RALGPS2: variants seen among roughly 807,000 people sequenced by gnomAD.
The protein encoded by RALGPS2 is Ral GEF with PH domain and SH3 binding motif 2.
A neutral mutation model predicts 86.8 loss-of-function variants in RALGPS2; 43 were observed. The ratio of observed to expected loss-of-function variants is 0.50; its 90% CI spans 0.39 to 0.64. RALGPS2 has a LOEUF of 0.64. RALGPS2 is among the 30% of genes least tolerant of loss of function. The pLI is 0.00. For synonymous variants in RALGPS2, 243 were observed against 231.3 expected, an observed-to-expected ratio of 1.05 and a Z score of -0.46; for missense variants, 536 against 694.6, an observed-to-expected ratio of 0.77 and a Z score of 2.57.
intron 1 of RALGPS2, among the ~76,000 whole-genome samples, chr1:178,751,638 A>G (rs1456374357): frequency 6.6e-6 from 1 of 152,178 alleles, no homozygotes; most frequent in African/African-American, 2.4e-5. Flanking sequence ...GTAACACCTC[A>G]ATACTTATAC....
chr1:178,739,315 T>G (rs1420858118), intron 1 of RALGPS2, among the ~76,000 whole-genome samples: 1 of 152,204 alleles, frequency 6.6e-6, no homozygotes, highest in African/African-American at 2.4e-5. Context: ...ATAAAAGTAT[T>G]GTTGTTCATG....
At chr1:178,826,535 A>G (rs1231776582) in intron 7 of RALGPS2, among the ~76,000 whole-genome samples, 2 of 152,158 alleles carry the variant, frequency 1.3e-5, no homozygotes, top group African/African-American at 2.4e-5. Context: ...ATCTAGATTG[A>G]TGGTTGCCAG....
chr1:178,840,917 C>G (rs1656573951), intron 8 of RALGPS2, among the ~76,000 whole-genome samples: 3 of 152,144 alleles, frequency 2.0e-5, no homozygotes, highest in Admixed American at 2.0e-4. Context: ...GGATAAATTC[C>G]TGGACACATA....
At chr1:178,800,185 A>T (rs116167213) in intron 4 of RALGPS2, among the ~76,000 whole-genome samples, 2 of 152,344 alleles carry the variant, frequency 1.3e-5, no homozygotes, top group Middle Eastern at 6.8e-3. Flanking sequence ...TAGACAGTCC[A>T]GCAGAAGAGT....
At chr1:178,828,994 CA>C (rs1319289793) in intron 7 of RALGPS2, among the ~76,000 whole-genome samples, 1 of 152,174 alleles carries the variant, frequency 6.6e-6, no homozygotes, top group Admixed American at 6.5e-5. Flanking sequence ...GCATTATTCA[CA>C]ATAGCCAGGA....
Position 178,885,158 on chromosome 1 carries a change from C to A in RALGPS2, c.987C>A (p.Ser329=). 1 of 1,613,836 alleles carries A rather than the reference C, an allele frequency of 6.2e-7. No homozygotes were observed. Among genetic ancestry groups the A allele is most frequent in the Non-Finnish European group, 8.5e-7 (1 of 1,179,894 alleles). Residue 329 remains serine, a synonymous_variant, in exon 12 of 20, where the codon TCC becomes TCA. Coordinates refer to ENST00000367635, the MANE Select transcript of RALGPS2 (RefSeq NM_152663.5). The stretch of plus-strand genomic sequence containing the variant: ...CCTTGCTCCCACAGACACCGCCATC[C>A]CCTCGGAATCTGATTCCACATGGAC... ...EGALLPQTPP[S]PRNLIPHGHR... is the part of the protein sequence containing the mutation.
chr1:178,738,470 A>G lies in RALGPS2; in HGVS notation c.-84+13051A>G, dbSNP rs1044815435. ...GCAGTCCACCCGCCTTGGCCTCCCA[A>G]AGTGCTAGGATTACAGGTGTGAGCC... On this transcript the variant is annotated intron_variant, in intron 1 of 19. Transcript: ENST00000367635. 2.0e-5 allele frequency among the ~76,000 whole-genome samples: 3 copies of G among 152,080 alleles called. No homozygotes were observed. In the East Asian group the frequency reaches 5.8e-4, roughly 29 times the overall value.
At chr1:178,840,477 GA>G (rs1272847300) in intron 8 of RALGPS2, among the ~76,000 whole-genome samples, 1 of 152,180 alleles carries the variant, frequency 6.6e-6, no homozygotes, top group Non-Finnish European at 1.5e-5. Context: ...CAACATACCA[GA>G]ATCTCTGGGA....
Position 178,821,598 on chromosome 1 carries a change from TTTCAAATC to T in RALGPS2, c.388-9_388-2del. The T allele has an allele frequency of 6.2e-7, 1 of 1,603,362 alleles. No individual in the cohort carries two copies. Among genetic ancestry groups the T allele is most frequent in the Non-Finnish European group, 8.5e-7 (1 of 1,174,698 alleles). Reference sequence around the variant, plus strand: ...TTTTTCATCCCTCTCCCCCATTTTTTTTCAAATCTTCAGAAACTGTATGAGCTGAATAA... The same window carrying T: ...TTTTTCATCCCTCTCCCCCATTTTTTTTCAGAAACTGTATGAGCTGAATAA... On this transcript the variant is annotated splice_region_variant and splice_polypyrimidine_tract_variant and intron_variant, in intron 6 of 19. Coordinates refer to ENST00000367635, the MANE Select transcript of RALGPS2 (RefSeq NM_152663.5).
chr1:178,733,407 A>G (rs1650505999), intron 1 of RALGPS2, among the ~76,000 whole-genome samples: 1 of 152,236 alleles, frequency 6.6e-6, no homozygotes, highest in Non-Finnish European at 1.5e-5. Context: ...AAACAAATGG[A>G]CAAAAGACTA....
chr1:178,750,027 C>T (rs1421106078), intron 1 of RALGPS2, among the ~76,000 whole-genome samples: 1 of 152,150 alleles, frequency 6.6e-6, no homozygotes, highest in Non-Finnish European at 1.5e-5. Flanking sequence ...GGGAGGATCT[C>T]TGGAGCCTGG....
In RALGPS2 at chr1:178,886,543, G is replaced by A. The variant is rs1659491671; in HGVS notation, c.1192+423G>A. Among the ~76,000 whole-genome samples the A allele has an allele frequency of 2.0e-5, 3 of 152,154 alleles. No homozygotes were observed. In the South Asian group the frequency reaches 6.2e-4, roughly 32 times the overall value. The stretch of plus-strand genomic sequence containing the variant: ...GAATTTGGGGAATCAGGTGTGTTTT[G>A]GACATGTTTAGTCCCTATGGAGATG... On this transcript the variant is annotated intron_variant, in intron 13 of 19. Coordinates refer to ENST00000367635, the MANE Select transcript of RALGPS2 (RefSeq NM_152663.5).
At chr1:178,783,338 G>GA (rs917264960) in intron 2 of RALGPS2, among the ~76,000 whole-genome samples, 67 of 148,144 alleles carry the variant, frequency 4.5e-4, no homozygotes, top group African/African-American at 1.2e-3. Context: ...AAAATAGAAT[G>GA]AAAAAAAAAA....
chr1:178,746,799 G>T (rs1001324937), intron 1 of RALGPS2: 2 of 1,010,474 alleles, frequency 2.0e-6, no homozygotes, highest in Non-Finnish European at 1.6e-6. Flanking sequence ...ATACGTTTCC[G>T]TAGAACACTC....
At chr1:178,902,325 A>T in intron 18 of RALGPS2, 114 bp downstream of exon 18, 3 of 759,130 alleles carry the variant, frequency 4.0e-6, no homozygotes, top group Non-Finnish European at 6.3e-6. Context: ...GCATACATGA[A>T]GAACTTGATG....
At position 178,889,829 on chromosome 1, in the gene RALGPS2, G is replaced by A. The variant is rs1048969845; in HGVS notation, c.1247+133G>A. 5.5e-6 allele frequency: 3 copies of A among 541,706 alleles called. No homozygotes were observed. The Admixed American group carries it at 1.1e-4, about 20-fold the overall frequency. The allele number at this position is 541,706 out of a possible 1,614,324, so 33.6% of individuals were successfully genotyped here. A position where few individuals can be genotyped will look rare whatever the true frequency, so the allele number is the denominator to read the frequency against. On this transcript the variant is annotated intron_variant, in intron 14 of 19. Transcript: ENST00000367635. The stretch of plus-strand genomic sequence containing the variant: ...AGTTTTCTACTGGTAAAAGAAATTA[G>A]AAGTTGATATTTAAGTTTGGATATG...
intron 1 of RALGPS2, among the ~76,000 whole-genome samples, chr1:178,754,626 C>T (rs116714411): frequency 0.012 from 1,819 of 152,350 alleles, 54 homozygotes; most frequent in African/African-American, 0.041. Context: ...CTGCCTTACT[C>T]AGTCTACTAA....
At chr1:178,852,085 C>G (rs1314491790) in intron 8 of RALGPS2, among the ~76,000 whole-genome samples, 1 of 152,138 alleles carries the variant, frequency 6.6e-6, no homozygotes, top group African/African-American at 2.4e-5. Context: ...TTTTCCCCCT[C>G]AAAGAAATGC....
intron 8 of RALGPS2, chr1:178,850,332 C>G (rs1657091528): frequency 6.6e-6 from 1 of 152,454 alleles, no homozygotes; most frequent in Non-Finnish European, 1.5e-5. Context: ...CTGTAGCACA[C>G]TAAATATTCT....
Sources: gnomAD v4.1 joint callset for allele counts (sites outside exome capture counted in the v4.1 genomes callset) on GRCh38, gnomAD v4.1.1 for gene constraint, MANE v1.5 for transcripts, NCBI Gene and HGNC (gene_info 2026-07-23, HGNC 2026-07-21) for gene names.